The following AFF4 variants were observed in gnomAD, a reference collection of about 807,000 sequenced individuals.
The protein encoded by AFF4 is AF4/FMR2 family member 4.
Under a neutral mutation model 124.8 loss-of-function variants are expected in AFF4, and 13 were observed. That is an observed-to-expected ratio of 0.10 (90% CI 0.07 to 0.17). AFF4 has a LOEUF of 0.17. Ranked by LOEUF, AFF4 falls within the 10% of genes least tolerant of loss-of-function variation. The pLI is 1.00. For missense variants in AFF4, 1,092 were observed against 1,403.8 expected (o/e 0.78, Z 3.55); for synonymous variants, 477 against 496.1 (o/e 0.96, Z 0.51).
At chr5:132,916,934 T>G (rs924394324) in intron 5 of AFF4, among the ~76,000 whole-genome samples, 10 of 152,190 alleles carry the variant, frequency 6.6e-5, no homozygotes, top group African/African-American at 2.4e-4. Flanking sequence ...TTTTTTGTTT[T>G]TTTGAGATAG....
rs1266614320 is a variant in AFF4, at chr5:132,897,695, G to A, written c.1390-455C>T. 2.1e-5 allele frequency among the ~76,000 whole-genome samples: 3 copies of A among 140,430 alleles called. No homozygotes were observed. In the Admixed American group the frequency reaches 2.2e-4, roughly 10 times the overall value. The allele number at this position is 140,430 out of a possible 152,430, so 92.1% of individuals were successfully genotyped here. ...ACTGCACTCCAGCCTGGGTGACAGA[G>A]TAAGACTCCATCTTAAAAAAAAAAA... On this transcript the variant is annotated intron_variant, in intron 10 of 20. Coordinates refer to ENST00000265343, the MANE Select transcript of AFF4 (RefSeq NM_014423.4).
intron 5 of AFF4, among the ~76,000 whole-genome samples, chr5:132,923,318 T>C (rs1326591139): frequency 1.3e-5 from 2 of 151,774 alleles, no homozygotes; most frequent in East Asian, 3.9e-4. Context: ...GCCACTGCAC[T>C]GCGGCCTGGA....
chr5:132,906,622 G>C (rs1044911462), intron 5 of AFF4, among the ~76,000 whole-genome samples: 2 of 152,192 alleles, frequency 1.3e-5, no homozygotes, highest in Admixed American at 6.5e-5. Flanking sequence ...GAGGGAAAGA[G>C]GGATAACAGC....
intron 1 of AFF4, among the ~76,000 whole-genome samples, chr5:132,952,142 A>G (rs945112433): frequency 1.3e-5 from 2 of 152,234 alleles, no homozygotes; most frequent in Non-Finnish European, 2.9e-5. Context: ...TCTAGAATAG[A>G]CAGCTAGAAG....
At chr5:132,904,449 G>T in intron 5 of AFF4, 45 bp from the exon 6 acceptor site, 2 of 1,515,352 alleles carry the variant, frequency 1.3e-6, no homozygotes, top group Non-Finnish European at 1.8e-6. Context: ...CACTAAAAAA[G>T]AAAGATTAGT....
chr5:132,905,008 C>T (rs1372204957), intron 5 of AFF4, among the ~76,000 whole-genome samples: 1 of 149,402 alleles, frequency 6.7e-6, no homozygotes, highest in Non-Finnish European at 1.5e-5. Flanking sequence ...CGAGATCGCG[C>T]CACTGCACTC....
rs1459007494 is a variant in AFF4 at position 132,883,108 on chromosome 5, G to A, written c.3364+232C>T. On this transcript the variant is annotated intron_variant, in intron 20 of 20. Transcript: ENST00000265343. ...CCAGAATATAAGCACATTTGTCTTA[G>A]TCCAAGAACTATTTTCAGTTTAGTT... Among the ~76,000 whole-genome samples the A allele has an allele frequency of 2.0e-5, 3 of 152,076 alleles. No individual in the cohort carries two copies. In the South Asian group the frequency reaches 6.2e-4, roughly 32 times the overall value.
intron 20 of AFF4, among the ~76,000 whole-genome samples, chr5:132,882,622 T>G (rs1760009058): frequency 6.6e-6 from 1 of 152,090 alleles, no homozygotes; most frequent in Non-Finnish European, 1.5e-5. Flanking sequence ...TTTGGGAGGC[T>G]GAGATGGGCA....
intron 5 of AFF4, among the ~76,000 whole-genome samples, chr5:132,914,745 C>G (rs938035797): frequency 1.3e-5 from 2 of 151,886 alleles, no homozygotes; most frequent in African/African-American, 4.8e-5. Context: ...CCAGGACACT[C>G]AAGAAAAAGA....
At chr5:132,893,207 T>A in intron 11 of AFF4, 89 bp from the exon 12 acceptor site, 1 of 1,010,624 alleles carries the variant, frequency 9.9e-7, no homozygotes, top group South Asian at 1.3e-5. Context: ...TTATCCATGA[T>A]TAGGCATCAG....
At chr5:132,941,356 C>T (rs926606305) in intron 1 of AFF4, among the ~76,000 whole-genome samples, 2 of 151,870 alleles carry the variant, frequency 1.3e-5, no homozygotes, top group African/African-American at 2.4e-5. Flanking sequence ...TTTTTTGAGA[C>T]AGTGTCTCAC....
At chr5:132,963,065 T>C (rs1029234079) in intron 1 of AFF4, among the ~76,000 whole-genome samples, 194 bp downstream of exon 1, 4 of 152,154 alleles carry the variant, frequency 2.6e-5, no homozygotes, top group Non-Finnish European at 4.4e-5. Flanking sequence ...TTTTTTTATT[T>C]TCTTATCTTT....
Position 132,934,551 on chromosome 5 carries a change from C to G in AFF4, c.514G>C (p.Glu172Gln). 1 of 1,614,132 alleles carries G rather than the reference C, an allele frequency of 6.2e-7. No individual in the cohort carries two copies. The highest frequency in any genetic ancestry group is 1.1e-5 in the South Asian group (1 of 91,074). The change falls in exon 3 of 21, where the codon GAA becomes CAA. Residue 172 changes from glutamate (E) to glutamine (Q), a missense_variant. Physicochemically the swap from Glu to Gln is conservative, Grantham distance 29. This residue lies in a region of AFF4 where 188 missense variants were observed against 203.0 expected (regional missense o/e 0.93). Coordinates refer to ENST00000265343, the MANE Select transcript of AFF4 (RefSeq NM_014423.4). Reference sequence around the variant, plus strand: ...CTGGAAGAACGTGATTTGGAGTGTTCTGATCCATGCTGGCCTTTTTTCCGG... The same window carrying G: ...CTGGAAGAACGTGATTTGGAGTGTTGTGATCCATGCTGGCCTTTTTTCCGG... The part of the protein sequence containing the change: ...SSRKKGQHGS[E>Q]HSKSRSSSPG...
intron 10 of AFF4, 43 bp from the exon 11 acceptor site, chr5:132,897,283 G>A: frequency 6.4e-7 from 1 of 1,571,368 alleles, no homozygotes; most frequent in East Asian, 2.2e-5. Flanking sequence ...GATACTGAAT[G>A]CTTTTTTCGT....
intron 1 of AFF4, among the ~76,000 whole-genome samples, chr5:132,951,193 T>C (rs1761835314): frequency 6.6e-6 from 1 of 151,030 alleles, no homozygotes; most frequent in East Asian, 2.0e-4. Flanking sequence ...CACTGCACTC[T>C]AGCCTGGGCA....
rs1196800045 is a variant in AFF4 at position 132,951,897 on chromosome 5, TTTC to T, written c.-5+11359_-5+11361del. On this transcript the variant is annotated intron_variant, in intron 1 of 20. Transcript: ENST00000265343. The stretch of plus-strand genomic sequence containing the variant: ...ATAAGAAACTGAATTGTTTTGCATA[TTTC>T]TTCAACATTATTAAAAAGGTATACT... 2.0e-5 allele frequency among the ~76,000 whole-genome samples: 3 copies of T among 152,252 alleles called. No individual in the cohort carries two copies. The East Asian group carries it at 5.8e-4, about 29-fold the overall frequency.
At chr5:132,882,372 T>C (rs1760003778) in intron 20 of AFF4, among the ~76,000 whole-genome samples, 1 of 152,206 alleles carries the variant, frequency 6.6e-6, no homozygotes, top group Admixed American at 6.5e-5. Flanking sequence ...AATGTAGTGT[T>C]TCTCTGTAAA....
intron 7 of AFF4, chr5:132,901,219 T>C: frequency 2.1e-6 from 2 of 932,720 alleles, no homozygotes; most frequent in African/African-American, 1.8e-5. Context: ...CATGTGAATA[T>C]GTCAAAGCTT....
At position 132,902,447 on chromosome 5, in the gene AFF4, A is replaced by G. The variant is rs1760574125; in HGVS notation, c.1128T>C (p.Ser376=). The G allele has an allele frequency of 3.7e-6, 6 of 1,606,956 alleles. No homozygotes were observed. The Admixed American group carries it at 1.0e-4, about 27-fold the overall frequency. The change falls in exon 7 of 21, where the codon TCT becomes TCC. Residue 376 remains serine, a synonymous_variant. Coordinates refer to ENST00000265343, the MANE Select transcript of AFF4 (RefSeq NM_014423.4). ...NPSKTSNGHQ[S]KSMLKDDLKL... ...TCATTAAGCAATAAACTTACGATTT[A>G]GACTGGTGCCCATTTGAAGTTTTAG...
Sources: allele counts gnomAD v4.1 joint callset (sites outside exome capture counted in the v4.1 genomes callset), GRCh38; gene constraint gnomAD v4.1.1; regional missense constraint gnomAD v4.1.1; transcripts MANE v1.5; gene names NCBI Gene and HGNC (gene_info 2026-07-23, HGNC 2026-07-21).